Variants in SELENOF observed in about 807,000 individuals in gnomAD.
SELENOF encodes the protein selenoprotein F.
Under a neutral mutation model 20.5 loss-of-function variants are expected in SELENOF, and 16 were observed. The observed-to-expected ratio is 0.78, with a 90% CI of 0.53 to 1.19. The LOEUF (loss-of-function observed/expected upper bound fraction) is 1.19. Among genes scored for constraint, SELENOF ranks in the 50% most tolerant of loss-of-function variants. The probability of loss-of-function intolerance (pLI) is 0.00; values close to 1 mark genes in which losing one functional copy is unlikely to be tolerated. For missense variants in SELENOF, 215 were observed against 194.2 expected (o/e 1.11, Z -0.64); for synonymous variants, 78 against 74.5 (o/e 1.05, Z -0.24).
At chr1:86,910,191 A>T (rs1367212910) in intron 1 of SELENOF, among the ~76,000 whole-genome samples, 1 of 152,238 alleles carries the variant, frequency 6.6e-6, no homozygotes, top group Non-Finnish European at 1.5e-5. Context: ...CATTTCGTTA[A>T]AGTAGTGTAC....
At position 86,867,935 on chromosome 1, in the gene SELENOF, T is replaced by C. The variant is rs1339167293; in HGVS notation, c.366+118A>G. ...TTTTCAGTGAAATTAAAAATTTAAATTGATACATAATATTTGCACATGTTT... is the reference window on the plus strand; with the variant it reads ...TTTTCAGTGAAATTAAAAATTTAAACTGATACATAATATTTGCACATGTTT... On this transcript the variant is annotated intron_variant, in intron 4 of 4. Transcript: ENST00000331835. 1.4e-5 allele frequency: 6 copies of C among 428,874 alleles called. No homozygotes were observed. In the Admixed American group the frequency reaches 2.5e-4, roughly 18 times the overall value. The allele number at this position is 428,874 out of a possible 1,614,324, so 26.6% of individuals were successfully genotyped here.
chr1:86,899,893 T>C (rs1382068601), intron 2 of SELENOF, among the ~76,000 whole-genome samples: 1 of 145,492 alleles, frequency 6.9e-6, no homozygotes, highest in Non-Finnish European at 1.5e-5. Context: ...GCAGAGACGC[T>C]CCTCACCTCC....
At chr1:86,872,347 T>C (rs1195096936) in intron 3 of SELENOF, among the ~76,000 whole-genome samples, 2 of 152,074 alleles carry the variant, frequency 1.3e-5, no homozygotes, top group African/African-American at 4.8e-5. Flanking sequence ...TGTAACTTTT[T>C]ACTCTGGCTC....
intron 3 of SELENOF, among the ~76,000 whole-genome samples, chr1:86,880,445 T>C (rs1348704846): frequency 6.6e-6 from 1 of 152,132 alleles, no homozygotes; most frequent in Non-Finnish European, 1.5e-5. Flanking sequence ...ACGCCTGGCC[T>C]CTAAATTTCA....
At chr1:86,865,851 T>C (rs1658575957) in intron 4 of SELENOF, among the ~76,000 whole-genome samples, 1 of 152,120 alleles carries the variant, frequency 6.6e-6, no homozygotes, top group South Asian at 2.1e-4. Flanking sequence ...TTATTTACAA[T>C]AGCCAAGGGA....
At chr1:86,868,266 T>C (rs977995375) in intron 3 of SELENOF, among the ~76,000 whole-genome samples, 164 bp from the exon 4 acceptor site, 41 of 152,344 alleles carry the variant, frequency 2.7e-4, no homozygotes, top group African/African-American at 9.6e-4. Context: ...ACATACCATA[T>C]TCTCCAATAT....
At chr1:86,896,186 T>A (rs1199669457) in intron 2 of SELENOF, among the ~76,000 whole-genome samples, 1 of 144,078 alleles carries the variant, frequency 6.9e-6, no homozygotes, top group Non-Finnish European at 1.5e-5. Context: ...GAGGTTGCAG[T>A]GAGCTGAGAT....
At chr1:86,912,086 T>G (rs1298480146) in intron 1 of SELENOF, among the ~76,000 whole-genome samples, 1 of 152,168 alleles carries the variant, frequency 6.6e-6, no homozygotes, top group African/African-American at 2.4e-5. Context: ...ATTTTTGGCT[T>G]GGGCAATTGG....
intron 2 of SELENOF, among the ~76,000 whole-genome samples, chr1:86,902,634 T>A (rs1213882456): frequency 2.0e-5 from 3 of 152,260 alleles, no homozygotes; most frequent in African/African-American, 7.2e-5. Flanking sequence ...CTTTCCAGTC[T>A]ACTTTATAAT....
chr1:86,907,818 T>C (rs1006038379), intron 1 of SELENOF, among the ~76,000 whole-genome samples: 12 of 152,082 alleles, frequency 7.9e-5, no homozygotes, highest in African/African-American at 2.7e-4. Context: ...ACCCCGTCTC[T>C]ACTAATAATA....
Position 86,873,401 on chromosome 1 carries a change from A to G in SELENOF, c.317-5299T>C, listed in dbSNP as rs545065062. ...AGTCTGAGCTTCTGCTCATATGATC[A>G]ATTTTACCATCATTAGAGTCTAGAA... On this transcript the variant is annotated intron_variant, in intron 3 of 4. Coordinates refer to ENST00000331835, the MANE Select transcript of SELENOF (RefSeq NM_004261.5). 2.6e-5 allele frequency among the ~76,000 whole-genome samples: 4 copies of G among 152,352 alleles called. No homozygotes were observed. In the East Asian group the frequency reaches 5.8e-4, roughly 22 times the overall value.
chr1:86,894,879 C>A (rs116269320), intron 2 of SELENOF, among the ~76,000 whole-genome samples: 2,254 of 152,130 alleles, frequency 0.015, 63 homozygotes, highest in African/African-American at 0.051. Flanking sequence ...AACAAAAAAA[C>A]CAAAGAAAAT....
At chr1:86,886,495 ACTATTTTAT>A (rs1659224376) in intron 2 of SELENOF, among the ~76,000 whole-genome samples, 1 of 151,994 alleles carries the variant, frequency 6.6e-6, no homozygotes, top group Non-Finnish European at 1.5e-5. Flanking sequence ...CATTTTGGAA[ACTATTTTAT>A]TTAAAATCGA....
intron 2 of SELENOF, among the ~76,000 whole-genome samples, chr1:86,895,443 C>A (rs140331555): frequency 6.6e-6 from 1 of 152,328 alleles, no homozygotes; most frequent in African/African-American, 2.4e-5. Flanking sequence ...ATGCTAGACA[C>A]AATTTTAAGC....
At chr1:86,867,073 T>C (rs889372696) in intron 4 of SELENOF, among the ~76,000 whole-genome samples, 2 of 152,150 alleles carry the variant, frequency 1.3e-5, no homozygotes, top group African/African-American at 4.8e-5. Context: ...CACAGGTGAA[T>C]GACAAAACTG....
At position 86,877,212 on chromosome 1, in the gene SELENOF, C is replaced by T. The variant is rs188922378; in HGVS notation, c.316+3450G>A. 2.7e-3 allele frequency among the ~76,000 whole-genome samples: 408 copies of T among 152,260 alleles called. 1 individual carries two copies. Among genetic ancestry groups the T allele is most frequent in the African/African-American group, 9.3e-3 (386 of 41,534 alleles). On this transcript the variant is annotated intron_variant, in intron 3 of 4. Coordinates refer to ENST00000331835, the MANE Select transcript of SELENOF (RefSeq NM_004261.5). ...GTGGTGCCAGACACATACTAAGTGACTTACATGTTATCTCATTAATCCTCA... is the reference window on the plus strand; with the variant it reads ...GTGGTGCCAGACACATACTAAGTGATTTACATGTTATCTCATTAATCCTCA...
chr1:86,911,972 G>A (rs1451193539), intron 1 of SELENOF, among the ~76,000 whole-genome samples: 2 of 151,950 alleles, frequency 1.3e-5, no homozygotes, highest in Admixed American at 1.3e-4. Context: ...GGGTTTCACC[G>A]TGTTGGCCAG....
chr1:86,900,668 G>A (rs975477355), intron 2 of SELENOF, among the ~76,000 whole-genome samples: 4 of 151,884 alleles, frequency 2.6e-5, no homozygotes, highest in Non-Finnish European at 5.9e-5. Flanking sequence ...AGAGGGAGAC[G>A]GAGACAGAGA....
intron 2 of SELENOF, among the ~76,000 whole-genome samples, chr1:86,897,002 T>C (rs1198769148): frequency 6.8e-6 from 1 of 147,812 alleles, no homozygotes; most frequent in East Asian, 1.9e-4. Context: ...TCATAAACAT[T>C]TAAAAAAAAA....
Sources: allele counts gnomAD v4.1 joint callset (sites outside exome capture counted in the v4.1 genomes callset), GRCh38; gene constraint gnomAD v4.1.1; transcripts MANE v1.5; gene names NCBI Gene and HGNC (gene_info 2026-07-23, HGNC 2026-07-21).